CACNA2D1: variants seen among roughly 807,000 people sequenced by gnomAD.
CACNA2D1 encodes the protein calcium voltage-gated channel auxiliary subunit alpha2delta 1.
A neutral mutation model predicts 171.5 loss-of-function variants in CACNA2D1; 53 were observed. The observed-to-expected ratio is 0.31, with a 90% confidence interval of 0.25 to 0.39. CACNA2D1 has a LOEUF of 0.39. Ranked by LOEUF, CACNA2D1 falls within the 10% of genes least tolerant of loss-of-function variation. CACNA2D1 has a pLI of 1.00. For synonymous variants in CACNA2D1, 442 were observed against 443.1 expected (o/e 1.00, Z 0.03); for missense variants, 903 against 1,299.8 (o/e 0.69, Z 4.69).
intron 28 of CACNA2D1, 71 bp downstream of exon 28, chr7:81,969,810 G>T: frequency 1.2e-6 from 1 of 821,290 alleles, no homozygotes; most frequent in Non-Finnish European, 2.1e-6. Context: ...TGATTTGGGG[G>T]GAGAGCAGAT....
chr7:82,011,936 T>C lies in CACNA2D1; in HGVS notation c.1362+218A>G, dbSNP rs149430790. On this transcript the variant is annotated intron_variant, in intron 15 of 38. Coordinates refer to ENST00000356860, the MANE Select transcript of CACNA2D1 (RefSeq NM_000722.4). ...CTACATTCCCAATGAAGGGATCAAG[T>C]AGACAATAAGCTAACACTTTGCATT... 2.2e-3 allele frequency: 1,103 copies of C among 498,432 alleles called. 9 individuals carry two copies. The highest frequency in any genetic ancestry group is 0.018 in the East Asian group (554 of 30,048). 30.9% of individuals were successfully genotyped at this position (498,432 alleles called of 1,614,324 possible). A position where few individuals can be genotyped will look rare whatever the true frequency, so the allele number is the denominator to read the frequency against.
chr7:82,443,251 CG>C, intron 1 of CACNA2D1, 113 bp downstream of exon 1: 1 of 1,027,242 alleles, frequency 9.7e-7, no homozygotes, highest in Non-Finnish European at 1.4e-6. Context: ...GCTCCCCGGC[CG>C]CTCGCTCCCC....
chr7:82,019,257 T>C (rs1055214104), intron 12 of CACNA2D1, among the ~76,000 whole-genome samples: 8 of 152,076 alleles, frequency 5.3e-5, no homozygotes, highest in African/African-American at 1.7e-4. Flanking sequence ...GAGGTGGAGA[T>C]TGCAGTGAAC....
At chr7:82,185,305 C>A (rs889064326) in intron 3 of CACNA2D1, among the ~76,000 whole-genome samples, 6 of 149,932 alleles carry the variant, frequency 4.0e-5, no homozygotes, top group African/African-American at 9.8e-5. Flanking sequence ...TCCACCACTT[C>A]GCTGCAGCAT....
At chr7:82,175,663 AACATGC>A (rs1416428453) in intron 3 of CACNA2D1, among the ~76,000 whole-genome samples, 2 of 152,080 alleles carry the variant, frequency 1.3e-5, no homozygotes, top group Non-Finnish European at 2.9e-5. Flanking sequence ...TGGTACAATG[AACATGC>A]ACTGGTAAAT....
At chr7:82,192,748 C>CT (rs1798467398) in intron 3 of CACNA2D1, among the ~76,000 whole-genome samples, 1 of 142,486 alleles carries the variant, frequency 7.0e-6, no homozygotes, top group Admixed American at 7.2e-5. Context: ...AGCAGCTGTT[C>CT]CTTTTTTTTT....
At chr7:82,149,934 G>A (rs1362437710) in intron 4 of CACNA2D1, among the ~76,000 whole-genome samples, 1 of 152,072 alleles carries the variant, frequency 6.6e-6, no homozygotes, top group East Asian at 1.9e-4. Flanking sequence ...TCCAGCCTGG[G>A]CTACAGAGCA....
intron 6 of CACNA2D1, among the ~76,000 whole-genome samples, chr7:82,111,189 G>C (rs1309726492): frequency 1.3e-5 from 2 of 150,332 alleles, no homozygotes; most frequent in African/African-American, 4.9e-5. Flanking sequence ...GACTGCTTCT[G>C]AGGTAATTAA....
intron 2 of CACNA2D1, among the ~76,000 whole-genome samples, chr7:82,343,462 G>C (rs1330093244): frequency 6.6e-6 from 1 of 152,180 alleles, no homozygotes; most frequent in Non-Finnish European, 1.5e-5. Context: ...TATTTAACCA[G>C]AAGTGCAGGT....
chr7:81,969,633 C>A (rs556830386), intron 28 of CACNA2D1, among the ~76,000 whole-genome samples: 3 of 151,046 alleles, frequency 2.0e-5, no homozygotes, highest in African/African-American at 7.3e-5. Context: ...GTTTCTATTT[C>A]TTATGCATGC....
At chr7:82,027,501 G>A (rs1802081045) in intron 12 of CACNA2D1, among the ~76,000 whole-genome samples, 1 of 151,544 alleles carries the variant, frequency 6.6e-6, no homozygotes. Flanking sequence ...TCTCAGTTTT[G>A]TATCTATAAG....
At chr7:81,962,266 A>C (rs962807078) in intron 35 of CACNA2D1, among the ~76,000 whole-genome samples, 174 bp downstream of exon 35, 1 of 152,128 alleles carries the variant, frequency 6.6e-6, no homozygotes, top group South Asian at 2.1e-4. Flanking sequence ...TGACCTAGGT[A>C]ATTTCTAAAA....
At chr7:82,440,822 TA>T (rs199734338) in intron 1 of CACNA2D1, among the ~76,000 whole-genome samples, 7 of 151,362 alleles carry the variant, frequency 4.6e-5, no homozygotes, top group East Asian at 1.9e-4. Context: ...TCTATATTTT[TA>T]AAAAAAAACT....
chr7:82,290,561 G>A (rs746284883), intron 3 of CACNA2D1, among the ~76,000 whole-genome samples: 1 of 144,650 alleles, frequency 6.9e-6, no homozygotes. Flanking sequence ...AAGTCAATGA[G>A]TACTACAGGT....
At chr7:82,152,819 T>G (rs1288069976) in intron 4 of CACNA2D1, among the ~76,000 whole-genome samples, 3 of 152,072 alleles carry the variant, frequency 2.0e-5, no homozygotes, top group African/African-American at 7.2e-5. Flanking sequence ...AAATGCATTA[T>G]ATGTTTCGAT....
At chr7:82,153,463 A>G (rs10273056) in intron 4 of CACNA2D1, among the ~76,000 whole-genome samples, 144,036 of 152,098 alleles carry the variant, frequency 0.95, 68,261 homozygotes, top group Middle Eastern at 0.96. Context: ...TAAGTAGAAG[A>G]CAAATGCCCA....
At chr7:82,181,215 C>A (rs767206385) in intron 3 of CACNA2D1, among the ~76,000 whole-genome samples, 2 of 151,758 alleles carry the variant, frequency 1.3e-5, no homozygotes, top group African/African-American at 4.8e-5. Context: ...GATGTCAAGG[C>A]AGTAACCATG....
intron 1 of CACNA2D1, among the ~76,000 whole-genome samples, chr7:82,441,532 T>G (rs1034147507): frequency 1.3e-5 from 2 of 152,180 alleles, no homozygotes; most frequent in African/African-American, 4.8e-5. Flanking sequence ...CTAGTAAATT[T>G]CTGACCATGA....
intron 10 of CACNA2D1, among the ~76,000 whole-genome samples, chr7:82,054,606 G>A (rs894638107): frequency 4.6e-5 from 7 of 152,150 alleles, no homozygotes; most frequent in Non-Finnish European, 8.8e-5. Context: ...ATTTAAGCTT[G>A]AATCCTTGTC....
Sources: allele counts gnomAD v4.1 joint callset (sites outside exome capture counted in the v4.1 genomes callset), GRCh38; gene constraint gnomAD v4.1.1; transcripts MANE v1.5; gene names NCBI Gene and HGNC (gene_info 2026-07-23, HGNC 2026-07-21).